CILK1: variants seen among roughly 807,000 people sequenced by gnomAD.
CILK1 encodes ciliogenesis associated kinase 1, also known as serine/threonine-protein kinase ICK.
In CILK1, 47 loss-of-function variants were observed where a neutral mutation model predicts 79.2. That is an observed-to-expected ratio of 0.59 (90% CI 0.47 to 0.76). The LOEUF (loss-of-function observed/expected upper bound fraction) is 0.76, where lower values mean the gene tolerates loss of function less well. Among genes scored for constraint, CILK1 ranks in the 30% least tolerant of loss-of-function variants. The probability of loss-of-function intolerance (pLI) is 0.00; values close to 1 mark genes in which losing one functional copy is unlikely to be tolerated. For missense variants in CILK1, 660 were observed against 769.5 expected (o/e 0.86, Z 1.68); for synonymous variants, 266 against 275.9 (o/e 0.96, Z 0.36).
At chr6:53,061,075 A>G (rs1160191909) in intron 1 of CILK1, 1 of 152,244 alleles carries the variant, frequency 6.6e-6, no homozygotes, top group Non-Finnish European at 1.5e-5. Context: ...GCTATATTAC[A>G]TATAAGTCCT....
At chr6:53,050,814 C>T (rs775175000) in intron 1 of CILK1, among the ~76,000 whole-genome samples, 6 of 151,768 alleles carry the variant, frequency 4.0e-5, no homozygotes, top group Non-Finnish European at 7.4e-5. Context: ...GGCAACAGAG[C>T]GAGACCCTGT....
intron 1 of CILK1, among the ~76,000 whole-genome samples, chr6:53,051,342 G>A (rs990786832): frequency 6.6e-6 from 1 of 152,168 alleles, no homozygotes; most frequent in Non-Finnish European, 1.5e-5. Context: ...TTTTCACAAA[G>A]TTGGTGGCTG....
Position 53,013,691 on chromosome 6 carries a change from G to C in CILK1, c.1123C>G (p.Pro375Ala). 6.8e-6 allele frequency: 11 copies of C among 1,614,102 alleles called. No homozygotes were observed. The highest frequency in any genetic ancestry group is 8.5e-6 in the Non-Finnish European group (10 of 1,179,986). ...QEDKPSPLLFPSLHNKHPQSK... is the reference protein window; with the variant it reads ...QEDKPSPLLFASLHNKHPQSK... ...TGTGGATGCTTGTTGTGGAGGGATGGGAAAAGCAACGGGCTTGGCTTGTCC... is the reference window on the plus strand; with the variant it reads ...TGTGGATGCTTGTTGTGGAGGGATGCGAAAAGCAACGGGCTTGGCTTGTCC... Residue 375 changes from proline (P) to alanine (A), a missense_variant, in exon 9 of 14, where the codon CCA becomes GCA. Coordinates refer to ENST00000676107, the MANE Select transcript of CILK1 (RefSeq NM_014920.5).
rs192387705 is a variant in CILK1, at chr6:53,050,438, T to C, written c.-172-9030A>G. 4.1e-4 allele frequency among the ~76,000 whole-genome samples: 62 copies of C among 151,436 alleles called. 1 individual carries two copies. The East Asian group carries it at 0.012, about 28-fold the overall frequency. On this transcript the variant is annotated intron_variant, in intron 1 of 13. Coordinates refer to ENST00000676107, the MANE Select transcript of CILK1 (RefSeq NM_014920.5). The stretch of plus-strand genomic sequence containing the variant: ...ACTTGCATTTGTGTGTGTGTGTGTA[T>C]ATATATATACACATTTCACATACAT...
intron 1 of CILK1, among the ~76,000 whole-genome samples, chr6:53,060,027 A>C (rs1768294915): frequency 6.6e-6 from 1 of 152,260 alleles, no homozygotes; most frequent in East Asian, 1.9e-4. Context: ...ACTCATTGAT[A>C]CAGAGGATGA....
At position 53,007,393 on chromosome 6, in the gene CILK1, C is replaced by T. The variant is rs552882686; in HGVS notation, c.1622-956G>A. Among the ~76,000 whole-genome samples, 3 of 151,986 alleles carry T rather than the reference C, an allele frequency of 2.0e-5. No individual in the cohort carries two copies. In the South Asian group the frequency reaches 6.2e-4, roughly 31 times the overall value. On this transcript the variant is annotated intron_variant, in intron 12 of 13. Coordinates refer to ENST00000676107, the MANE Select transcript of CILK1 (RefSeq NM_014920.5). ...GGGAAGAGAATTTGAACAGGTAAGT[C>T]ACAAAAGAGAAAAAACTTATAGTCA...
rs1768484460 is a variant in CILK1, at chr6:53,061,736, G to GTA, written c.-314_-313insTA. On this transcript the variant is annotated 5_prime_UTR_variant, in exon 1 of 14. The change abolishes the stop of an existing upstream ORF in the 5' untranslated region. Coordinates refer to ENST00000676107, the MANE Select transcript of CILK1 (RefSeq NM_014920.5). ...CCGAGGGCTCCGTACAGGGACGCCC[G>GTA]CGAGGTCCGGCGAGTCGCACGGGCC... is the stretch of plus-strand genomic sequence containing the variant. 6.6e-6 allele frequency: 1 copy of GTA among 152,258 alleles called. No homozygotes were observed. Among genetic ancestry groups the GTA allele is most frequent in the African/African-American group, 2.4e-5 (1 of 41,458 alleles). The allele number at this position is 152,258 out of a possible 1,614,324, so 9.4% of individuals were successfully genotyped here.
At chr6:53,035,569 C>A (rs1766276587) in intron 3 of CILK1, among the ~76,000 whole-genome samples, 1 of 152,138 alleles carries the variant, frequency 6.6e-6, no homozygotes, top group African/African-American at 2.4e-5. Context: ...CCCCTCCCTG[C>A]CATGGCCGTG....
At chr6:53,033,158 T>C (rs1162281863) in intron 3 of CILK1, among the ~76,000 whole-genome samples, 3 of 152,338 alleles carry the variant, frequency 2.0e-5, no homozygotes, top group South Asian at 4.1e-4. Context: ...TGTATGTCCA[T>C]GAGGCATAGA....
intron 5 of CILK1, among the ~76,000 whole-genome samples, chr6:53,028,460 T>C (rs1370416325): frequency 6.6e-6 from 1 of 152,234 alleles, no homozygotes; most frequent in Non-Finnish European, 1.5e-5. Flanking sequence ...TTTATTGCAA[T>C]GGGACCTTTC....
At chr6:53,015,899 G>T in intron 8 of CILK1, 184 bp downstream of exon 8, 1 of 606,630 alleles carries the variant, frequency 1.6e-6, no homozygotes, top group Non-Finnish European at 2.9e-6. Context: ...TGTTTACATT[G>T]TAACTACTTT....
intron 1 of CILK1, among the ~76,000 whole-genome samples, chr6:53,059,530 C>CCTGAGG (rs1768237556): frequency 6.6e-6 from 1 of 152,092 alleles, no homozygotes; most frequent in Non-Finnish European, 1.5e-5. Context: ...GTAGGAGTCG[C>CCTGAGG]ACAGGAGAGT....
At chr6:53,031,234 G>A in intron 4 of CILK1, 90 bp from the exon 5 acceptor site, 2 of 836,512 alleles carry the variant, frequency 2.4e-6, no homozygotes, top group South Asian at 2.7e-5. Context: ...CCATACAGGG[G>A]AGCTACCTTA....
At chr6:53,036,146 T>A (rs1766316226) in intron 3 of CILK1, among the ~76,000 whole-genome samples, 1 of 152,106 alleles carries the variant, frequency 6.6e-6, no homozygotes, top group Non-Finnish European at 1.5e-5. Flanking sequence ...ATATGAGTAA[T>A]CTCTTTTGCA....
chr6:53,044,196 C>A (rs1184186825), intron 1 of CILK1, among the ~76,000 whole-genome samples: 1 of 152,172 alleles, frequency 6.6e-6, no homozygotes, highest in Non-Finnish European at 1.5e-5. Context: ...GGCCACACAG[C>A]AGGAGGAGAG....
At chr6:53,047,041 T>C (rs1167172714) in intron 1 of CILK1, among the ~76,000 whole-genome samples, 1 of 152,228 alleles carries the variant, frequency 6.6e-6, no homozygotes, top group Non-Finnish European at 1.5e-5. Flanking sequence ...TTTCTCACCC[T>C]GGTTGAATAC....
At chr6:53,021,343 T>TGGG (rs200026789) in intron 5 of CILK1, among the ~76,000 whole-genome samples, 5 of 77,022 alleles carry the variant, frequency 6.5e-5, no homozygotes, top group African/African-American at 2.3e-4. Flanking sequence ...GCGGGGGGGT[T>TGGG]GGGGGGGTAA....
intron 5 of CILK1, among the ~76,000 whole-genome samples, chr6:53,029,707 C>T (rs1387591137): frequency 1.3e-5 from 2 of 152,166 alleles, no homozygotes; most frequent in Non-Finnish European, 2.9e-5. Flanking sequence ...GCCTGGGCAG[C>T]ATATTGAGAC....
Position 53,011,865 on chromosome 6 carries a change from T to G in CILK1, c.1396A>C (p.Ser466Arg), listed in dbSNP as rs1267149795. ...TGATATGACGTCTGGGTGGGGGCAC[T>G]GTTTCCTGTGCCCACAGGCTCAGAG... is the stretch of plus-strand genomic sequence containing the variant. The part of the protein sequence containing the change: ...KPSEPVGTGN[S>R]APTQTSYQRR... Residue 466 changes from serine (S) to arginine (R), a missense_variant, in exon 11 of 14, where the codon AGT (serine) becomes CGT (arginine). Physicochemically the swap from Ser to Arg is moderately radical, Grantham distance 110 (BLOSUM62 -1). Transcript: ENST00000676107. 1.2e-6 allele frequency: 2 copies of G among 1,614,082 alleles called. No homozygotes were observed. Among genetic ancestry groups the G allele is most frequent in the South Asian group, 2.2e-5 (2 of 91,082 alleles).
Sources: allele counts gnomAD v4.1 joint callset (sites outside exome capture counted in the v4.1 genomes callset), GRCh38; gene constraint gnomAD v4.1.1; transcripts MANE v1.5; gene names NCBI Gene and HGNC (gene_info 2026-07-23, HGNC 2026-07-21).